The following NRIP2 variants were observed in gnomAD, a reference collection of about 807,000 sequenced individuals.
NRIP2 encodes the protein nuclear receptor-interacting protein 2.
In NRIP2, 27 loss-of-function variants were observed where a neutral mutation model predicts 34.1. The ratio of observed to expected loss-of-function variants is 0.79; its 90% CI spans 0.58 to 1.09. NRIP2 has a LOEUF of 1.09. Ranked by LOEUF, NRIP2 falls within the 50% of genes least tolerant of loss-of-function variation. The pLI is 0.00. For missense variants in NRIP2, 385 were observed against 352.6 expected, an observed-to-expected ratio of 1.09 and a Z score of -0.74; for synonymous variants, 145 against 146.9, an observed-to-expected ratio of 0.99 and a Z score of 0.09.
At chr12:2,828,301 C>G (rs775667473) in intron 3 of NRIP2, 31 bp downstream of exon 3, 1 of 1,589,278 alleles carries the variant, frequency 6.3e-7, no homozygotes, top group South Asian at 1.1e-5. Context: ...AAACCCTGTC[C>G]CCCACTTGCT....
At chr12:2,828,444 G>C in intron 2 of NRIP2, 30 bp from the exon 3 acceptor site, 1 of 1,543,060 alleles carries the variant, frequency 6.5e-7, no homozygotes, top group Non-Finnish European at 8.9e-7. Context: ...GTGAATCAGT[G>C]AGTCCCTAGG....
intron 1 of NRIP2, among the ~76,000 whole-genome samples, chr12:2,831,883 C>T (rs1455814963): frequency 6.6e-6 from 1 of 152,134 alleles, no homozygotes; most frequent in Non-Finnish European, 1.5e-5. Context: ...AAGCATATGC[C>T]ACAGTACCTG....
At chr12:2,830,950 T>TCCCCCCCCC (rs544510879) in intron 1 of NRIP2, 90 bp from the exon 2 acceptor site, 2 of 1,383,864 alleles carry the variant, frequency 1.4e-6, no homozygotes, top group African/African-American at 3.0e-5. Flanking sequence ...CCCAGGATGC[T>TCCCCCCCCC]CCCCCCACCC....
rs906961549 is a variant in NRIP2, at chr12:2,830,865, C to T, written c.343-5G>A. 6.2e-7 allele frequency: 1 copy of T among 1,611,218 alleles called. No homozygotes were observed. Among genetic ancestry groups the T allele is most frequent in the African/African-American group, 1.3e-5 (1 of 74,948 alleles). ...TTGGATCACACTGCGCGGCTGCTGG[C>T]TCCATCACAAAACAATGAAGGTAGG... On this transcript the variant is annotated splice_region_variant and splice_polypyrimidine_tract_variant and intron_variant, in intron 1 of 5. Transcript: ENST00000337508.
At position 2,827,431 on chromosome 12, in the gene NRIP2, T is replaced by TAGAC; in HGVS notation, c.754-136_754-133dup. 6.6e-7 allele frequency: 1 copy of TAGAC among 1,524,130 alleles called. No individual in the cohort carries two copies. The highest frequency in any genetic ancestry group is 8.7e-7 in the Non-Finnish European group (1 of 1,143,608). The allele number at this position is 1,524,130 out of a possible 1,614,324, so 94.4% of individuals were successfully genotyped here. Reference sequence around the variant, plus strand: ...TGCTCTTCCCCCATCCCCATTTCCCTAGACTCCTGTTGAAGGGGGTGACCC... The same window carrying TAGAC: ...TGCTCTTCCCCCATCCCCATTTCCCTAGACAGACTCCTGTTGAAGGGGGTGACCC... On this transcript the variant is annotated intron_variant, in intron 5 of 5. Coordinates refer to ENST00000337508, the MANE Select transcript of NRIP2 (RefSeq NM_031474.3). The surrounding 1 kb of genome is among the most constrained non-coding windows in gnomAD (Gnocchi z 4.0).
chr12:2,827,319 C>T lies in NRIP2; in HGVS notation c.754-20G>A. 6.2e-7 allele frequency: 1 copy of T among 1,603,430 alleles called. No individual in the cohort carries two copies. Among genetic ancestry groups the T allele is most frequent in the Non-Finnish European group, 8.5e-7 (1 of 1,175,854 alleles). On this transcript the variant is annotated intron_variant, in intron 5 of 5. Transcript: ENST00000337508. The surrounding 1 kb of genome is among the most constrained non-coding windows in gnomAD (Gnocchi z 4.0). ...GCAGCACTGCGGGGTGTAGAGCAGT[C>T]ATGCCAGGTCACCTCAGCCCGCCAC...
At position 2,827,762 on chromosome 12, in the gene NRIP2, C is replaced by G; in HGVS notation, c.701-85G>C. On this transcript the variant is annotated intron_variant, in intron 4 of 5. Transcript: ENST00000337508. This position sits in a 1 kb window ranked among gnomAD's most constrained non-coding sequence, Gnocchi z 4.0. ...CCTCTTAGCCGTTGCTCCTTCTCTG[C>G]CCACCCCATCCCCAGATCCGAGGAC... The G allele has an allele frequency of 6.2e-7, 1 of 1,609,304 alleles. No homozygotes were observed. The highest frequency in any genetic ancestry group is 2.2e-5 in the East Asian group (1 of 44,858).
chr12:2,834,631 T>A lies in NRIP2; in HGVS notation c.342+11A>T. On this transcript the variant is annotated intron_variant, in intron 1 of 5. Transcript: ENST00000337508. ...CCAGGGGACGCTGGCAGGGGAGGGGTGATGCCTCACCAAGTCCTTGGAGGT... is the reference window on the plus strand; with the variant it reads ...CCAGGGGACGCTGGCAGGGGAGGGGAGATGCCTCACCAAGTCCTTGGAGGT... The A allele has an allele frequency of 6.4e-7, 1 of 1,567,816 alleles. No individual in the cohort carries two copies. The highest frequency in any genetic ancestry group is 1.2e-5 in the South Asian group (1 of 84,264).
chr12:2,829,770 A>G (rs73052614), intron 2 of NRIP2, among the ~76,000 whole-genome samples: 22,749 of 150,646 alleles, frequency 0.15, 1,845 homozygotes, highest in South Asian at 0.33. Flanking sequence ...CTGTCTCTAA[A>G]AAATAAACAA....
Position 2,830,690 on chromosome 12 carries a change from C to G in NRIP2, c.495+18G>C. 1 of 1,599,534 alleles carries G rather than the reference C, an allele frequency of 6.3e-7. No homozygotes were observed. The highest frequency in any genetic ancestry group is 8.5e-7 in the Non-Finnish European group (1 of 1,173,402). Reference sequence around the variant, plus strand: ...GGCAGGGTTGTTAATGAAAGTGTGTCCCTGGGAGGCCTCTCACCTTGCAGT... The same window carrying G: ...GGCAGGGTTGTTAATGAAAGTGTGTGCCTGGGAGGCCTCTCACCTTGCAGT... On this transcript the variant is annotated intron_variant, in intron 2 of 5. Coordinates refer to ENST00000337508, the MANE Select transcript of NRIP2 (RefSeq NM_031474.3).
At chr12:2,831,668 C>A (rs1381772824) in intron 1 of NRIP2, among the ~76,000 whole-genome samples, 1 of 152,128 alleles carries the variant, frequency 6.6e-6, no homozygotes, top group Non-Finnish European at 1.5e-5. Flanking sequence ...ACAACCACTC[C>A]CATTCCATCC....
At position 2,830,838 on chromosome 12, in the gene NRIP2, C is replaced by G. The variant is rs2153926128; in HGVS notation, c.365G>C (p.Arg122Thr). The G allele has an allele frequency of 6.2e-7, 1 of 1,613,704 alleles. No individual in the cohort carries two copies. The highest frequency in any genetic ancestry group is 8.5e-7 in the Non-Finnish European group (1 of 1,179,862). ...ATTCGGGTTTCCCTCCACCAGGCGTCTTTGGATCACACTGCGCGGCTGCTG... is the reference window on the plus strand; with the variant it reads ...ATTCGGGTTTCCCTCCACCAGGCGTGTTTGGATCACACTGCGCGGCTGCTG... ...KDLQPRSVIQRRLVEGNPNWL... is the reference protein window; with the variant it reads ...KDLQPRSVIQTRLVEGNPNWL... The change falls in exon 2 of 6, where the codon AGA (arginine) becomes ACA (threonine). Residue 122 changes from arginine (R) to threonine (T), a missense_variant. By Grantham distance (71) the Arg-to-Thr change is moderately conservative. Transcript: ENST00000337508.
At position 2,827,388 on chromosome 12, in the gene NRIP2, C is replaced by T. The variant is rs1403578488; in HGVS notation, c.754-89G>A. 2.8e-5 allele frequency: 43 copies of T among 1,530,296 alleles called. No individual in the cohort carries two copies. The highest frequency in any genetic ancestry group is 3.3e-5 in the Non-Finnish European group (38 of 1,145,006). The allele number at this position is 1,530,296 out of a possible 1,614,324, so 94.8% of individuals were successfully genotyped here. On this transcript the variant is annotated intron_variant, in intron 5 of 5. Coordinates refer to ENST00000337508, the MANE Select transcript of NRIP2 (RefSeq NM_031474.3). The surrounding 1 kb of genome is among the most constrained non-coding windows in gnomAD (Gnocchi z 4.0). ...CTTTTGTTCCCCCTCCCACTTCCCA[C>T]AGCTTCCACCTGCCTTTTGCTCTTC...
At chr12:2,834,495 T>A (rs2098018449) in intron 1 of NRIP2, 147 bp downstream of exon 1, 1 of 1,154,904 alleles carries the variant, frequency 8.7e-7, no homozygotes. Flanking sequence ...GAGCCTTGAG[T>A]TGGCAGGATG....
Position 2,830,800 on chromosome 12 carries a change from C to G in NRIP2, c.403G>C (p.Glu135Gln). 16 of 1,613,734 alleles carry G rather than the reference C, an allele frequency of 9.9e-6. No individual in the cohort carries two copies. Among genetic ancestry groups the G allele is most frequent in the Non-Finnish European group, 1.4e-5 (16 of 1,179,828 alleles). ...ATCAGGTCCTGCATCCGGGGAGGCT[C>G]CCCCTGAAGCCAATTCGGGTTTCCC... Reference protein sequence around the residue: ...VEGNPNWLQGEPPRMQDLIHG... With the variant: ...VEGNPNWLQGQPPRMQDLIHG... The change falls in exon 2 of 6, where the codon GAG becomes CAG. Residue 135 changes from glutamate (E) to glutamine (Q), a missense_variant. Glu to Gln is a conservative substitution (Grantham distance 29). Coordinates refer to ENST00000337508, the MANE Select transcript of NRIP2 (RefSeq NM_031474.3).
In NRIP2 at chr12:2,827,138, C is replaced by A; in HGVS notation, c.*69G>T. 6.2e-7 allele frequency: 1 copy of A among 1,605,886 alleles called. No individual in the cohort carries two copies. On this transcript the variant is annotated 3_prime_UTR_variant, in exon 6 of 6. Coordinates refer to ENST00000337508, the MANE Select transcript of NRIP2 (RefSeq NM_031474.3). The surrounding 1 kb of genome is among the most constrained non-coding windows in gnomAD (Gnocchi z 4.0). ...GTCCCCAGCTACCTGGCTTCAAGAG[C>A]CCCCGTTCCCCACACGCCTCTTCTT...
At chr12:2,831,651 C>G (rs915717917) in intron 1 of NRIP2, among the ~76,000 whole-genome samples, 4 of 152,138 alleles carry the variant, frequency 2.6e-5, no homozygotes, top group African/African-American at 9.7e-5. Flanking sequence ...TGACCTGTCC[C>G]TCATCTACAA....
chr12:2,830,920 C>T (rs752088593), intron 1 of NRIP2, 60 bp from the exon 2 acceptor site: 18 of 1,567,092 alleles, frequency 1.1e-5, no homozygotes, highest in Non-Finnish European at 1.5e-5. Context: ...CCAGGCTGCT[C>T]AGTTACCCCA....
In NRIP2 at chr12:2,827,073, A is replaced by T. The variant is rs1303070470; in HGVS notation, c.*134T>A. On this transcript the variant is annotated 3_prime_UTR_variant, in exon 6 of 6. Transcript: ENST00000337508. The surrounding 1 kb of genome is among the most constrained non-coding windows in gnomAD (Gnocchi z 4.0). ...TGCGGCCAGCTGGGGAAAATGGGAC[A>T]GCAGGGGTCAGGGAGGTGATTGGAA... is the stretch of plus-strand genomic sequence containing the variant. The T allele has an allele frequency of 2.0e-5, 30 of 1,500,610 alleles. No homozygotes were observed. Among genetic ancestry groups the T allele is most frequent in the Non-Finnish European group, 2.6e-5 (30 of 1,133,664 alleles). 93.0% of individuals were successfully genotyped at this position (1,500,610 alleles called of 1,614,324 possible).
Sources: allele counts gnomAD v4.1 joint callset (sites outside exome capture counted in the v4.1 genomes callset), GRCh38; gene constraint gnomAD v4.1.1; non-coding constraint Gnocchi (gnomAD v3.1); transcripts MANE v1.5; gene names NCBI Gene and HGNC (gene_info 2026-07-23, HGNC 2026-07-21).